The following ATE1 variants were observed in gnomAD, a reference collection of about 807,000 sequenced individuals.
ATE1 encodes the protein arginyl-tRNA--protein transferase 1.
ATE1 carries 36 observed loss-of-function variants against 70.5 expected under a neutral mutation model. The ratio of observed to expected loss-of-function variants is 0.51; its 90% CI spans 0.39 to 0.67. The LOEUF is 0.67. Ranked by LOEUF, ATE1 falls within the 30% of genes least tolerant of loss-of-function variation. The probability of loss-of-function intolerance (pLI) is 0.00; values close to 1 mark genes in which losing one functional copy is unlikely to be tolerated. For missense variants in ATE1, 593 were observed against 629.5 expected (o/e 0.94, Z 0.62); for synonymous variants, 232 against 219.3 (o/e 1.06, Z -0.51).
intron 7 of ATE1, among the ~76,000 whole-genome samples, chr10:121,871,311 T>G (rs1042414193): frequency 1.3e-5 from 2 of 151,932 alleles, no homozygotes; most frequent in Admixed American, 6.6e-5. Context: ...ATACAAAAAT[T>G]AGCTGTGTGT....
chr10:121,800,006 T>C (rs1946812694), intron 10 of ATE1, among the ~76,000 whole-genome samples: 1 of 152,224 alleles, frequency 6.6e-6, no homozygotes, highest in Non-Finnish European at 1.5e-5. Flanking sequence ...TTGATTACGA[T>C]AGTAAATCCA....
chr10:121,821,731 A>G (rs1206771118), intron 10 of ATE1, among the ~76,000 whole-genome samples: 2 of 152,242 alleles, frequency 1.3e-5, no homozygotes, highest in Non-Finnish European at 2.9e-5. Context: ...AAATACAAAA[A>G]TTAGCTGGGC....
chr10:121,815,852 C>T (rs1947520070), intron 10 of ATE1, among the ~76,000 whole-genome samples: 1 of 152,150 alleles, frequency 6.6e-6, no homozygotes, highest in Non-Finnish European at 1.5e-5. Flanking sequence ...GATAATTCCC[C>T]CTTGCTGTTG....
chr10:121,891,218 C>T (rs1185486805), intron 7 of ATE1, among the ~76,000 whole-genome samples: 2 of 152,106 alleles, frequency 1.3e-5, no homozygotes, highest in Non-Finnish European at 2.9e-5. Flanking sequence ...AACTGATTTA[C>T]ATGGGGCTCA....
At chr10:121,792,793 C>T (rs539316737) in intron 10 of ATE1, among the ~76,000 whole-genome samples, 6 of 151,562 alleles carry the variant, frequency 4.0e-5, no homozygotes, top group Non-Finnish European at 7.4e-5. Context: ...GCAAATCTGA[C>T]GGAAAAAAGG....
At chr10:121,875,835 CA>C (rs1245378340) in intron 7 of ATE1, among the ~76,000 whole-genome samples, 1 of 152,076 alleles carries the variant, frequency 6.6e-6, no homozygotes, top group African/African-American at 2.4e-5. Flanking sequence ...TATTTACAAA[CA>C]AAAAAACTCT....
At chr10:121,880,971 C>G (rs1201771475) in intron 7 of ATE1, among the ~76,000 whole-genome samples, 2 of 152,186 alleles carry the variant, frequency 1.3e-5, no homozygotes, top group African/African-American at 4.8e-5. Context: ...ATCACATGAG[C>G]TTTGCACTCA....
intron 6 of ATE1, among the ~76,000 whole-genome samples, chr10:121,902,121 G>C (rs1028147937): frequency 1.3e-5 from 2 of 152,004 alleles, no homozygotes; most frequent in African/African-American, 4.8e-5. Flanking sequence ...TTCAATCAAG[G>C]TAGCATGCTA....
intron 8 of ATE1, among the ~76,000 whole-genome samples, chr10:121,867,953 C>T (rs1949719734): frequency 6.6e-6 from 1 of 152,134 alleles, no homozygotes; most frequent in South Asian, 2.1e-4. Context: ...GTTTTGTCCG[C>T]ATCTTTGATG....
At chr10:121,898,961 T>C (rs1276018537) in intron 7 of ATE1, 1 of 1,613,276 alleles carries the variant, frequency 6.2e-7, no homozygotes, top group East Asian at 2.2e-5. Context: ...AGACAGGTAC[T>C]AACCTCACCT....
chr10:121,914,181 C>T (rs1424326996), intron 3 of ATE1, among the ~76,000 whole-genome samples: 1 of 152,066 alleles, frequency 6.6e-6, no homozygotes, highest in Non-Finnish European at 1.5e-5. Context: ...ATTCTCCTGC[C>T]TCAGCCTCCT....
intron 8 of ATE1, among the ~76,000 whole-genome samples, chr10:121,866,623 G>T (rs949895350): frequency 2.6e-5 from 4 of 152,048 alleles, no homozygotes; most frequent in African/African-American, 4.8e-5. Context: ...CCAGGCGGGT[G>T]GATCACTTGA....
chr10:121,916,258 A>G (rs746654311), intron 3 of ATE1, among the ~76,000 whole-genome samples: 2 of 152,108 alleles, frequency 1.3e-5, no homozygotes, highest in Non-Finnish European at 2.9e-5. Flanking sequence ...AAAAAAAGGA[A>G]CACTTCCAAA....
chr10:121,925,498 G>C (rs1309817509), intron 1 of ATE1, among the ~76,000 whole-genome samples: 2 of 151,866 alleles, frequency 1.3e-5, no homozygotes, highest in Non-Finnish European at 2.9e-5. Flanking sequence ...GATTACAGGG[G>C]CTATGATGTT....
chr10:121,873,691 T>TAA (rs761239187), intron 7 of ATE1, among the ~76,000 whole-genome samples: 3 of 139,142 alleles, frequency 2.2e-5, no homozygotes, highest in African/African-American at 5.3e-5. Context: ...TTTGGTAAGT[T>TAA]AAAAAAAAAA....
At chr10:121,770,879 G>A (rs1003956326) in intron 11 of ATE1, among the ~76,000 whole-genome samples, 24 of 151,840 alleles carry the variant, frequency 1.6e-4, no homozygotes, top group Admixed American at 5.3e-4. Flanking sequence ...AAGCCTTAAA[G>A]CAAGAACAGC....
intron 10 of ATE1, among the ~76,000 whole-genome samples, chr10:121,796,943 C>A (rs1424859534): frequency 6.6e-6 from 1 of 152,092 alleles, no homozygotes. Flanking sequence ...AAAAGAATCG[C>A]AAAATAAATA....
At chr10:121,764,637 C>T (rs142675386) in intron 11 of ATE1, among the ~76,000 whole-genome samples, 2 of 152,222 alleles carry the variant, frequency 1.3e-5, no homozygotes, top group East Asian at 3.9e-4. Context: ...AAATAGCTAA[C>T]ATAATTAAAA....
chr10:121,743,897 T>TGG lies in ATE1; in HGVS notation c.1379-40_1379-39insCC. 3 of 1,350,284 alleles carry TGG rather than the reference T, an allele frequency of 2.2e-6. No homozygotes were observed. In the South Asian group the frequency reaches 4.1e-5, roughly 19 times the overall value. 83.6% of individuals were successfully genotyped at this position (1,350,284 alleles called of 1,614,324 possible). The stretch of plus-strand genomic sequence containing the variant: ...AAATACTGATTTGTAAAATGTCACA[T>TGG]ATCAAAACTTTTTGTTTCCTTTTTT... On this transcript the variant is annotated intron_variant, in intron 11 of 11. Transcript: ENST00000224652.
Sources: allele counts gnomAD v4.1 joint callset (sites outside exome capture counted in the v4.1 genomes callset), GRCh38; gene constraint gnomAD v4.1.1; transcripts MANE v1.5; gene names NCBI Gene and HGNC (gene_info 2026-07-23, HGNC 2026-07-21).